The following HTR4 variants were observed in gnomAD, a reference collection of about 807,000 sequenced individuals.
HTR4 encodes the protein 5-hydroxytryptamine receptor 4.
In HTR4, 16 loss-of-function variants were observed where a neutral mutation model predicts 36.8. The ratio of observed to expected loss-of-function variants is 0.43; its 90% CI spans 0.29 to 0.66. The LOEUF (loss-of-function observed/expected upper bound fraction) is 0.66. Ranked by LOEUF, HTR4 falls within the 30% of genes least tolerant of loss-of-function variation. The probability of loss-of-function intolerance (pLI) is 0.13; values close to 1 mark genes in which losing one functional copy is unlikely to be tolerated. For missense variants in HTR4, 438 were observed against 490.9 expected, an observed-to-expected ratio of 0.89 and a Z score of 1.02; for synonymous variants, 189 against 185.1, an observed-to-expected ratio of 1.02 and a Z score of -0.17.
At chr5:148,618,918 G>A (rs764688938) in intron 2 of HTR4, among the ~76,000 whole-genome samples, 2 of 152,158 alleles carry the variant, frequency 1.3e-5, no homozygotes, top group Non-Finnish European at 2.9e-5. Context: ...ACATACAGCC[G>A]ATTCCAATCA....
At chr5:148,531,296 G>A (rs1405436165) in intron 4 of HTR4, among the ~76,000 whole-genome samples, 1 of 152,136 alleles carries the variant, frequency 6.6e-6, no homozygotes, top group Admixed American at 6.5e-5. Flanking sequence ...TGTTGTGGGA[G>A]AAACCCGGTT....
intron 6 of HTR4, among the ~76,000 whole-genome samples, chr5:148,499,731 G>A (rs1756848098): frequency 6.6e-6 from 1 of 152,208 alleles, no homozygotes; most frequent in Non-Finnish European, 1.5e-5. Flanking sequence ...CAGAGTTGGA[G>A]GTTGGGCCTA....
intron 5 of HTR4, among the ~76,000 whole-genome samples, chr5:148,459,978 A>G (rs903471503): frequency 6.6e-6 from 1 of 152,172 alleles, no homozygotes; most frequent in African/African-American, 2.4e-5. Flanking sequence ...GAAATGTTAA[A>G]GGTCAAAAAC....
At chr5:148,501,341 T>G (rs1039529568) in intron 6 of HTR4, among the ~76,000 whole-genome samples, 5 of 152,172 alleles carry the variant, frequency 3.3e-5, no homozygotes, top group African/African-American at 9.7e-5. Flanking sequence ...TACATTGAAA[T>G]GATCAGCAGA....
At chr5:148,464,284 G>A (rs908619999) in intron 5 of HTR4, among the ~76,000 whole-genome samples, 3 of 152,086 alleles carry the variant, frequency 2.0e-5, no homozygotes, top group Non-Finnish European at 4.4e-5. Context: ...TTGAGGTTAA[G>A]AGAATGATAA....
chr5:148,497,467 T>A (rs1756739000), intron 6 of HTR4, among the ~76,000 whole-genome samples: 2 of 152,226 alleles, frequency 1.3e-5, no homozygotes. Context: ...CCAGTTTTTT[T>A]ATATTTCTTC....
At chr5:148,628,984 G>T (rs1453987199) in intron 2 of HTR4, 1 of 152,014 alleles carries the variant, frequency 6.6e-6, no homozygotes, top group Non-Finnish European at 1.5e-5. Context: ...GAGTCATAAA[G>T]ATCTTGCAAT....
chr5:148,525,666 T>C (rs1758234665), intron 4 of HTR4, among the ~76,000 whole-genome samples: 1 of 152,172 alleles, frequency 6.6e-6, no homozygotes, highest in Admixed American at 6.5e-5. Context: ...CTCTTACCCA[T>C]CAAGTCCTCA....
intron 6 of HTR4, among the ~76,000 whole-genome samples, chr5:148,501,398 T>G (rs990355814): frequency 6.6e-6 from 1 of 152,268 alleles, no homozygotes; most frequent in Non-Finnish European, 1.5e-5. Flanking sequence ...ATTAGCAGGA[T>G]AAAAGCTGAT....
rs995725905 is a variant in HTR4 at position 148,491,603 on chromosome 5, T to C, written c.1077-8310A>G. Among the ~76,000 whole-genome samples the C allele has an allele frequency of 2.0e-5, 3 of 152,064 alleles. No individual in the cohort carries two copies. The East Asian group carries it at 5.8e-4, about 29-fold the overall frequency. On this transcript the variant is annotated intron_variant, in intron 6 of 6. Transcript: ENST00000377888. ...CTGGCCTCCACCCACTATATACCAA[T>C]AGTATTCCCACGTTGTGACAACCAA...
At chr5:148,494,476 C>T (rs1351432943) in intron 6 of HTR4, among the ~76,000 whole-genome samples, 1 of 152,220 alleles carries the variant, frequency 6.6e-6, no homozygotes, top group East Asian at 1.9e-4. Flanking sequence ...CTCTTTGCCT[C>T]TTACTCATTT....
chr5:148,613,448 G>T (rs573694527), intron 2 of HTR4, among the ~76,000 whole-genome samples: 1 of 152,200 alleles, frequency 6.6e-6, no homozygotes, highest in Non-Finnish European at 1.5e-5. Flanking sequence ...TATCTCAATA[G>T]ATGCAGGAAA....
At chr5:148,464,034 C>CAAAAAAAA (rs34212190) in intron 5 of HTR4, among the ~76,000 whole-genome samples, 2 of 99,680 alleles carry the variant, frequency 2.0e-5, no homozygotes, top group East Asian at 2.7e-4. Flanking sequence ...CATTGACATG[C>CAAAAAAAA]AAAAAAAAAA....
At chr5:148,592,998 A>T (rs1037728914) in intron 2 of HTR4, among the ~76,000 whole-genome samples, 1 of 152,092 alleles carries the variant, frequency 6.6e-6, no homozygotes, top group Non-Finnish European at 1.5e-5. Flanking sequence ...ATAATGTCTC[A>T]TGGCTGTCTT....
chr5:148,453,085 G>A (rs572754439), intron 5 of HTR4, among the ~76,000 whole-genome samples: 1 of 152,202 alleles, frequency 6.6e-6, no homozygotes, highest in Non-Finnish European at 1.5e-5. Flanking sequence ...TGAGCTTTCT[G>A]TCTGCTGTGG....
downstream of HTR4, among the ~76,000 whole-genome samples, chr5:148,473,301 C>CAAAAAAAAA: frequency 1.5e-5 from 1 of 68,626 alleles, no homozygotes; most frequent in Non-Finnish European, 3.6e-5. Context: ...GACTCCATCT[C>CAAAAAAAAA]AAAAAAAAAA....
At chr5:148,536,393 C>T (rs1326933223) in intron 4 of HTR4, among the ~76,000 whole-genome samples, 2 of 151,826 alleles carry the variant, frequency 1.3e-5, no homozygotes, top group Non-Finnish European at 2.9e-5. Context: ...CAACATTAAC[C>T]ATGAATGTAA....
chr5:148,487,395 G>C (rs1756213434), intron 6 of HTR4, among the ~76,000 whole-genome samples: 1 of 152,108 alleles, frequency 6.6e-6, no homozygotes. Flanking sequence ...GGAGGAAGAA[G>C]GAGAAGAGGA....
intron 2 of HTR4, among the ~76,000 whole-genome samples, chr5:148,582,277 A>G (rs1761164365): frequency 6.6e-6 from 1 of 152,018 alleles, no homozygotes; most frequent in African/African-American, 2.4e-5. Context: ...AGATCATGTC[A>G]TTCCAGAGTC....
Sources: gnomAD v4.1 joint callset for allele counts (sites outside exome capture counted in the v4.1 genomes callset) on GRCh38, gnomAD v4.1.1 for gene constraint, MANE v1.5 for transcripts, NCBI Gene and HGNC (gene_info 2026-07-23, HGNC 2026-07-21) for gene names.